Variants in ZBED6 observed in about 807,000 individuals in gnomAD.
The protein encoded by ZBED6 is zinc finger BED-type containing 6.
Under a neutral mutation model 58.4 loss-of-function variants are expected in ZBED6, and 40 were observed. The ratio of observed to expected loss-of-function variants is 0.68; its 90% CI spans 0.53 to 0.89. The LOEUF is 0.89. Among genes scored for constraint, ZBED6 ranks in the 40% least tolerant of loss-of-function variants. The probability of loss-of-function intolerance (pLI) is 0.00; values close to 1 mark genes in which losing one functional copy is unlikely to be tolerated. For missense variants in ZBED6, 1,057 were observed against 1,003.9 expected (o/e 1.05, Z -0.71); for synonymous variants, 439 against 350.6 (o/e 1.25, Z -2.82).
At chr1:203,852,511 A>G in exon 17 of ZBED6, 1 of 1,207,154 alleles carries the variant, frequency 8.3e-7, no homozygotes. Context: ...ATTTGCCCCA[A>G]ATCAGAAGTA....
exon 8 of ZBED6, chr1:203,831,769 A>G (rs1333829799): frequency 1.2e-6 from 2 of 1,610,112 alleles, no homozygotes; most frequent in Non-Finnish European, 1.7e-6. Flanking sequence ...TCCACCAAAC[A>G]AGGTAAGGTA....
chr1:203,804,409 C>T (rs1013440483), intron 1 of ZBED6, among the ~76,000 whole-genome samples: 10 of 152,016 alleles, frequency 6.6e-5, no homozygotes, highest in African/African-American at 1.9e-4. Flanking sequence ...GCCTCGGCCT[C>T]CCAAAGTGCT....
intron 11 of ZBED6, among the ~76,000 whole-genome samples, chr1:203,841,015 T>C (rs546469250): frequency 6.6e-6 from 1 of 151,670 alleles, no homozygotes; most frequent in Admixed American, 6.6e-5. Context: ...GCTAAAATAA[T>C]TGCTGTCATG....
chr1:203,817,178 G>T, intron 2 of ZBED6, 54 bp downstream of exon 2: 5 of 1,440,226 alleles, frequency 3.5e-6, no homozygotes, highest in Non-Finnish European at 4.7e-6. Flanking sequence ...TAATAGAATT[G>T]GATAAGATTT....
intron 13 of ZBED6, among the ~76,000 whole-genome samples, chr1:203,848,875 C>G (rs1688605118): frequency 6.6e-6 from 1 of 151,942 alleles, no homozygotes; most frequent in African/African-American, 2.4e-5. Flanking sequence ...ATGTAACCAT[C>G]ATTATCTTTT....
At chr1:203,833,744 C>T (rs1239089495) in intron 8 of ZBED6, 47 bp from the exon 9 acceptor site, 2 of 1,541,804 alleles carry the variant, frequency 1.3e-6, no homozygotes, top group South Asian at 1.2e-5. Context: ...TTACTGAATA[C>T]AGAAAAATTG....
intron 1 of ZBED6, among the ~76,000 whole-genome samples, chr1:203,811,336 A>AT (rs1037970808): frequency 5.3e-5 from 8 of 152,282 alleles, no homozygotes; most frequent in Middle Eastern, 3.4e-3. Flanking sequence ...AATAAATAAA[A>AT]TTAGTTGCCA....
At position 203,798,875 on chromosome 1, in the gene ZBED6, C is replaced by A. The variant is rs750464914; in HGVS notation, c.1353C>A (p.Tyr451Ter). 2.0e-6 allele frequency: 3 copies of A among 1,535,950 alleles called. No homozygotes were observed. The highest frequency in any genetic ancestry group is 1.2e-5 in the South Asian group (1 of 84,068). Reference sequence around the variant, plus strand: ...ATTATAGGTTGCCATCAGAGACTTACTTTTTCACTAAGGCTGTACCTCAGT... The same window carrying A: ...ATTATAGGTTGCCATCAGAGACTTAATTTTTCACTAAGGCTGTACCTCAGT... The change falls in exon 1 of 17, where the codon TAC becomes TAA. Residue 451 changes from tyrosine (Y) to a stop codon, truncating the protein, a stop_gained. Transcript: ENST00000550078. LOFTEE classifies it high-confidence loss of function.
At chr1:203,828,270 T>G (rs374241314) in intron 3 of ZBED6, 29 bp from the exon 4 acceptor site, 1 of 1,613,568 alleles carries the variant, frequency 6.2e-7, no homozygotes, top group African/African-American at 1.3e-5. Context: ...CTGTTTTATT[T>G]GAAAGCAATG....
At chr1:203,841,444 A>G (rs1267283336) in intron 11 of ZBED6, among the ~76,000 whole-genome samples, 2 of 152,180 alleles carry the variant, frequency 1.3e-5, no homozygotes, top group African/African-American at 4.8e-5. Flanking sequence ...TGGACACAGC[A>G]CATGTTTCAG....
intron 3 of ZBED6, among the ~76,000 whole-genome samples, chr1:203,819,058 A>T (rs1249139811): frequency 7.5e-6 from 1 of 133,218 alleles, no homozygotes; most frequent in African/African-American, 2.7e-5. Context: ...ACAGAGCAAC[A>T]CTCCGTCTCA....
chr1:203,829,857 G>T, exon 6 of ZBED6: 1 of 1,614,162 alleles, frequency 6.2e-7, no homozygotes, highest in Non-Finnish European at 8.5e-7. Flanking sequence ...TGGATTACGA[G>T]TGACTTCTGT....
chr1:203,851,876 A>G (rs112859980), intron 16 of ZBED6, among the ~76,000 whole-genome samples: 8,864 of 150,966 alleles, frequency 0.059, 783 homozygotes, highest in East Asian at 0.4. Context: ...GGCGGAGGCA[A>G]AATGATCGCT....
At chr1:203,842,425 C>G (rs1418239638) in intron 11 of ZBED6, among the ~76,000 whole-genome samples, 2 of 152,120 alleles carry the variant, frequency 1.3e-5, no homozygotes, top group African/African-American at 4.8e-5. Context: ...GGCGAAACCC[C>G]GTCTCCACCA....
At chr1:203,825,804 A>AT (rs200102832) in intron 3 of ZBED6, among the ~76,000 whole-genome samples, 3,274 of 150,066 alleles carry the variant, frequency 0.022, 100 homozygotes, top group African/African-American at 0.059. Flanking sequence ...GTCACTTGTG[A>AT]TTTTTTTTTT....
Position 203,808,671 on chromosome 1 carries a change from A to G in ZBED6, c.*2554+5655A>G, listed in dbSNP as rs7546400. 1.1e-4 allele frequency among the ~76,000 whole-genome samples: 17 copies of G among 152,088 alleles called. 1 individual carries two copies. Among genetic ancestry groups the G allele is most frequent in the African/African-American group, 3.9e-4 (16 of 41,500 alleles). Reference sequence around the variant, plus strand: ...GATTCGTGGAGATGTCGTGTCAGTAATCTCTTGTAATTCAGTTATTATGTT... The same window carrying G: ...GATTCGTGGAGATGTCGTGTCAGTAGTCTCTTGTAATTCAGTTATTATGTT... On this transcript the variant is annotated intron_variant, in intron 1 of 16. Transcript: ENST00000550078.
At chr1:203,846,081 C>A (rs1450722326) in intron 11 of ZBED6, among the ~76,000 whole-genome samples, 1 of 131,696 alleles carries the variant, frequency 7.6e-6, no homozygotes, top group Middle Eastern at 5.3e-3. Context: ...GTTTGGAGAC[C>A]AGCCTGGGCC....
chr1:203,848,382 G>T (rs1688444480), exon 13 of ZBED6: 9 of 1,613,142 alleles, frequency 5.6e-6, no homozygotes, highest in African/African-American at 1.3e-5. Flanking sequence ...GATTCTCAGA[G>T]CAGTATTAGA....
At chr1:203,830,925 ATTTTTTTTTTTTTT>A (rs774771270) in intron 7 of ZBED6, among the ~76,000 whole-genome samples, 577 of 51,376 alleles carry the variant, frequency 0.011, 9 homozygotes, top group Non-Finnish European at 0.018. Flanking sequence ...CCAACCCCCA[ATTTTTTTTTTTTTT>A]TTTTTTTTTT....
Sources: gnomAD v4.1 joint callset for allele counts (sites outside exome capture counted in the v4.1 genomes callset) on GRCh38, gnomAD v4.1.1 for gene constraint, MANE v1.5 for transcripts, NCBI Gene and HGNC (gene_info 2026-07-23, HGNC 2026-07-21) for gene names.